ACOT1: variants seen among roughly 807,000 people sequenced by gnomAD.
ACOT1 encodes the protein acyl-CoA thioesterase 1.
ACOT1 carries 8 observed loss-of-function variants against 15.7 expected under a neutral mutation model. That is an observed-to-expected ratio of 0.51 (90% CI 0.30 to 0.92). The LOEUF (loss-of-function observed/expected upper bound fraction) is 0.92, where lower values mean the gene tolerates loss of function less well. ACOT1 is among the 40% of genes least tolerant of loss of function. The pLI, the probability that ACOT1 is intolerant of heterozygous loss-of-function variation, is 0.06. For synonymous variants in ACOT1, 67 were observed against 241.2 expected (o/e 0.28, Z 6.69); for missense variants, 151 against 539.4 (o/e 0.28, Z 7.13).
chr14:73,491,776 C>G, the ACOT1 span: 1 of 1,573,892 alleles, frequency 6.4e-7, no homozygotes, highest in Non-Finnish European at 8.6e-7. Context: ...TGCTGCGCAA[C>G]GAGGAGGTGC....
the ACOT1 span, chr14:73,523,274 T>G: frequency 1.1e-6 from 1 of 945,356 alleles, no homozygotes. Context: ...CAGCAGAAAT[T>G]GGTAGCCCAT....
the ACOT1 span, chr14:73,491,344 G>T: frequency 1.4e-6 from 2 of 1,440,998 alleles, no homozygotes; most frequent in Non-Finnish European, 1.8e-6. Context: ...TGGAGGCCTC[G>T]CCCGCCGCGC....
the ACOT1 span, among the ~76,000 whole-genome samples, chr14:73,528,308 C>T: frequency 7.1e-6 from 1 of 140,776 alleles, no homozygotes; most frequent in Admixed American, 8.0e-5. Context: ...GGCAGAATCG[C>T]TTGAAGCTGG....
chr14:73,526,574 T>G, the ACOT1 span, among the ~76,000 whole-genome samples: 3 of 151,866 alleles, frequency 2.0e-5, no homozygotes, highest in African/African-American at 4.8e-5. Context: ...CAAGACAAAG[T>G]CCAGAAGACT....
the ACOT1 span, among the ~76,000 whole-genome samples, chr14:73,511,656 C>T: frequency 1.3e-5 from 2 of 152,110 alleles, no homozygotes; most frequent in African/African-American, 4.8e-5. Context: ...GGGAGGATTA[C>T]TTGAGGCCAG....
At chr14:73,540,514 T>G (rs1889040958) in intron 1 of ACOT1, among the ~76,000 whole-genome samples, 1 of 110,294 alleles carries the variant, frequency 9.1e-6, no homozygotes, top group African/African-American at 3.2e-5. Context: ...GGAGAACACA[T>G]TCAGTATCAT....
At chr14:73,496,824 T>C in the ACOT1 span, 1 of 610,710 alleles carries the variant, frequency 1.6e-6, no homozygotes, top group Middle Eastern at 4.3e-4. Flanking sequence ...TATGCAAAAA[T>C]GGTATAATGC....
At chr14:73,502,037 G>A in the ACOT1 span, among the ~76,000 whole-genome samples, 10 of 150,382 alleles carry the variant, frequency 6.6e-5, no homozygotes, top group South Asian at 4.2e-4. Context: ...GAGCCACTGC[G>A]CCCGGCCAAT....
chr14:73,493,830 T>G, the ACOT1 span, among the ~76,000 whole-genome samples: 1 of 152,190 alleles, frequency 6.6e-6, no homozygotes, highest in Admixed American at 6.5e-5. Context: ...AGAGCGAGAC[T>G]CCGTCTCAAA....
upstream of ACOT1, among the ~76,000 whole-genome samples, chr14:73,534,539 G>A (rs1223439706): frequency 1.8e-5 from 2 of 111,270 alleles, no homozygotes; most frequent in African/African-American, 5.9e-5. Context: ...AATCTAAAAA[G>A]TTAGCCAGGT....
At chr14:73,522,228 G>T in the ACOT1 span, 1 of 1,575,980 alleles carries the variant, frequency 6.3e-7, no homozygotes, top group Non-Finnish European at 8.6e-7. Flanking sequence ...CTAAAGGGGA[G>T]TCAGGGATTA....
the ACOT1 span, among the ~76,000 whole-genome samples, chr14:73,513,713 G>C: frequency 1.0e-5 from 1 of 96,514 alleles, no homozygotes; most frequent in African/African-American, 4.1e-5. Flanking sequence ...GGCAACAAGA[G>C]CGAAACTACG....
chr14:73,530,065 C>T, the ACOT1 span: 8 of 135,282 alleles, frequency 5.9e-5, no homozygotes, highest in African/African-American at 2.1e-4. Flanking sequence ...CAGGCTCAAG[C>T]AATCCTCCTG....
At chr14:73,523,089 G>T in the ACOT1 span, 18 of 1,611,644 alleles carry the variant, frequency 1.1e-5, no homozygotes, top group Non-Finnish European at 1.4e-5. Flanking sequence ...CATCCCAGTC[G>T]TGGGGGCAGT....
At chr14:73,529,498 A>G in the ACOT1 span, among the ~76,000 whole-genome samples, 1 of 152,110 alleles carries the variant, frequency 6.6e-6, no homozygotes, top group Non-Finnish European at 1.5e-5. Context: ...GTTAGGCTAC[A>G]TGCCTCTAGT....
chr14:73,492,109 C>A, the ACOT1 span: 2 of 1,613,776 alleles, frequency 1.2e-6, no homozygotes, highest in South Asian at 2.2e-5. This position sits in a 1 kb window ranked among gnomAD's most constrained non-coding sequence, Gnocchi z 4.9. Flanking sequence ...GACCCCGAGT[C>A]CCAACCGAGG....
the ACOT1 span, among the ~76,000 whole-genome samples, chr14:73,518,797 A>G: frequency 2.6e-5 from 4 of 152,186 alleles, no homozygotes; most frequent in African/African-American, 9.6e-5. Flanking sequence ...CCTAAGTTAT[A>G]TCAGATCTCA....
At chr14:73,528,559 C>T in the ACOT1 span, among the ~76,000 whole-genome samples, 16 of 152,166 alleles carry the variant, frequency 1.1e-4, no homozygotes, top group Non-Finnish European at 1.0e-4. Context: ...TCTTTGTCTG[C>T]CTTGGAGTCA....
chr14:73,505,393 G>GTTTT, the ACOT1 span, among the ~76,000 whole-genome samples: 1 of 141,370 alleles, frequency 7.1e-6, no homozygotes, highest in East Asian at 2.0e-4. Flanking sequence ...TTTTTGTTTT[G>GTTTT]TTTTTTTTTG....
Sources: allele counts gnomAD v4.1 joint callset (sites outside exome capture counted in the v4.1 genomes callset), GRCh38; gene constraint gnomAD v4.1.1; non-coding constraint Gnocchi (gnomAD v3.1); transcripts MANE v1.5; gene names NCBI Gene and HGNC (gene_info 2026-07-23, HGNC 2026-07-21).